SCN1A: variants seen among roughly 807,000 people sequenced by gnomAD.
The protein encoded by SCN1A is sodium voltage-gated channel alpha subunit 1.
In SCN1A, 13 loss-of-function variants were observed where a neutral mutation model predicts 193.7. The observed-to-expected ratio is 0.07, with a 90% CI of 0.04 to 0.11. SCN1A has a LOEUF of 0.11. Among genes scored for constraint, SCN1A ranks in the 10% least tolerant of loss-of-function variants. The pLI is 1.00. For synonymous variants in SCN1A, 781 were observed against 843.6 expected (o/e 0.93, Z 1.29); for missense variants, 1,432 against 2,451.1 (o/e 0.58, Z 8.78).
chr2:166,016,865 A>G (rs1271581473), intron 19 of SCN1A, among the ~76,000 whole-genome samples: 2 of 151,798 alleles, frequency 1.3e-5, no homozygotes, highest in African/African-American at 4.8e-5. Flanking sequence ...TTATCACGAT[A>G]TTGTAAATAG....
chr2:166,052,765 C>G, intron 8 of SCN1A, 87 bp downstream of exon 8: 1 of 1,105,660 alleles, frequency 9.0e-7, no homozygotes, highest in Non-Finnish European at 1.4e-6. Flanking sequence ...TCTTATGATT[C>G]CTGATTTTCT....
chr2:165,989,042 G>T lies in SCN1A; in HGVS notation c.*2203C>A. 2.1e-5 allele frequency: 1 copy of T among 47,394 alleles called. No homozygotes were observed. The highest frequency in any genetic ancestry group is 4.2e-5 in the African/African-American group (1 of 24,016). The allele number at this position is 47,394 out of a possible 1,614,324, so 2.9% of individuals were successfully genotyped here. On this transcript the variant is annotated 3_prime_UTR_variant, in exon 29 of 29. Coordinates refer to ENST00000674923, the MANE Select transcript of SCN1A (RefSeq NM_001165963.4). ...TGGGTATGCCTCTGTGTGTGTGTGT[G>T]TGTGTGTGTGTGTGTGTGTGTGTGT...
At chr2:166,096,969 G>A (rs1012160634) in intron 2 of SCN1A, among the ~76,000 whole-genome samples, 4 of 152,056 alleles carry the variant, frequency 2.6e-5, no homozygotes, top group Non-Finnish European at 2.9e-5. Context: ...CATTAGTGAT[G>A]TAAATCTAAA....
At chr2:166,054,310 A>C (rs1170153641) in intron 7 of SCN1A, among the ~76,000 whole-genome samples, 3 of 151,908 alleles carry the variant, frequency 2.0e-5, no homozygotes, top group African/African-American at 4.8e-5. Context: ...ATTTTCACAG[A>C]TGTATTACAA....
rs1426666349 is a variant in SCN1A at position 166,041,380 on chromosome 2, T to C, written c.2266A>G (p.Lys756Glu). The change falls in exon 16 of 29, where the codon AAA becomes GAA. Residue 756 changes from lysine (K) to glutamate (E), a missense_variant. By Grantham distance (56) the Lys-to-Glu change is moderately conservative. Around this residue, in one of 18 missense-constraint regions of SCN1A, gnomAD observed 316 missense variants for 362.1 expected, o/e 0.87. Coordinates refer to ENST00000674923, the MANE Select transcript of SCN1A (RefSeq NM_001165963.4). ...ACCAGGTTGACAACATGTTTCACTT[T>C]TAACCAATATGGAGAACAGTCCCAG... Reference protein sequence around the residue: ...LIWDCSPYWLKVKHVVNLVVM... With the variant: ...LIWDCSPYWLEVKHVVNLVVM... 6.2e-7 allele frequency: 1 copy of C among 1,613,918 alleles called. No homozygotes were observed. Among genetic ancestry groups the C allele is most frequent in the African/African-American group, 1.3e-5 (1 of 75,010 alleles).
In SCN1A at chr2:165,989,067, TGC is replaced by T. The variant is rs59414673; in HGVS notation, c.*2176_*2177del. The T allele has an allele frequency of 0.24, 5,302 of 21,780 alleles. 106 individuals carry two copies. The highest frequency in any genetic ancestry group is 0.44 in the East Asian group (340 of 772). The allele number at this position is 21,780 out of a possible 1,614,324, so 1.3% of individuals were successfully genotyped here. A position where few individuals can be genotyped will look rare whatever the true frequency, so the allele number is the denominator to read the frequency against. ...GTGTGTGTGTGTGTGTGTGTGTGTG[TGC>T]GCGCGCGCTCCCCTTCTCCCCCAAT... is the stretch of plus-strand genomic sequence containing the variant. On this transcript the variant is annotated 3_prime_UTR_variant, in exon 29 of 29. Transcript: ENST00000674923.
At chr2:166,034,674 A>G (rs1696098368) in intron 19 of SCN1A, among the ~76,000 whole-genome samples, 1 of 152,206 alleles carries the variant, frequency 6.6e-6, no homozygotes. Context: ...TGTCTCCACA[A>G]AATTCATATG....
At chr2:166,106,258 T>C (rs1236712821) in intron 2 of SCN1A, among the ~76,000 whole-genome samples, 1 of 152,110 alleles carries the variant, frequency 6.6e-6, no homozygotes, top group Non-Finnish European at 1.5e-5. Context: ...AAGTTTAATA[T>C]ATGAAGAATT....
chr2:166,124,367 A>G (rs573920890), intron 2 of SCN1A, among the ~76,000 whole-genome samples: 23 of 151,980 alleles, frequency 1.5e-4, no homozygotes, highest in African/African-American at 5.1e-4. Context: ...GGGCCAACAT[A>G]GTGAAACCCC....
At chr2:166,121,109 GA>G (rs1296184374) in intron 2 of SCN1A, among the ~76,000 whole-genome samples, 1 of 103,690 alleles carries the variant, frequency 9.6e-6, no homozygotes, top group African/African-American at 3.7e-5. Context: ...TGAATGTCAG[GA>G]AAAAAAAGAA....
At position 166,013,862 on chromosome 2, in the gene SCN1A, A is replaced by G. The variant is rs760776044; in HGVS notation, c.3587T>C (p.Val1196Ala). ...CCATTGTTTTCCTCTGCCTTCTTCC[A>G]CATTGATTTGACAACACTTGAATCT... is the stretch of plus-strand genomic sequence containing the variant. ...VQRFKCCQIN[V>A]EEGRGKQWWN... Residue 1196 changes from valine to alanine, a missense_variant, in exon 21 of 29, where the codon GTG becomes GCG. By Grantham distance (64) the Val-to-Ala change is moderately conservative. Coordinates refer to ENST00000674923, the MANE Select transcript of SCN1A (RefSeq NM_001165963.4). The G allele has an allele frequency of 1.2e-5, 19 of 1,612,152 alleles. No homozygotes were observed. Among genetic ancestry groups the G allele is most frequent in the Middle Eastern group, 3.3e-4 (2 of 6,072 alleles).
chr2:166,114,801 A>C (rs2106212350), intron 2 of SCN1A, among the ~76,000 whole-genome samples: 1 of 152,320 alleles, frequency 6.6e-6, no homozygotes, highest in Non-Finnish European at 1.5e-5. Flanking sequence ...AAAATGTTTA[A>C]GATGTAATAT....
At chr2:166,067,576 G>A (rs1683975472) in intron 4 of SCN1A, among the ~76,000 whole-genome samples, 1 of 151,826 alleles carries the variant, frequency 6.6e-6, no homozygotes, top group Non-Finnish European at 1.5e-5. Flanking sequence ...ACTAGTCTTA[G>A]GCAAGTTATT....
chr2:166,069,155 A>G (rs1684152667), intron 4 of SCN1A, among the ~76,000 whole-genome samples: 1 of 152,208 alleles, frequency 6.6e-6, no homozygotes, highest in South Asian at 2.1e-4. Flanking sequence ...AAGGGAAACC[A>G]ATCTGGAATC....
intron 2 of SCN1A, among the ~76,000 whole-genome samples, chr2:166,099,903 G>C (rs1323740085): frequency 8.5e-6 from 1 of 117,950 alleles, no homozygotes; most frequent in African/African-American, 3.1e-5. Context: ...CTCATGGGTG[G>C]GAAGAATCAA....
chr2:166,054,458 G>A (rs932928072), intron 7 of SCN1A, among the ~76,000 whole-genome samples, 180 bp downstream of exon 7: 2 of 151,952 alleles, frequency 1.3e-5, no homozygotes, highest in Admixed American at 1.3e-4. Flanking sequence ...CTACTGCAAA[G>A]CCTTCATGCT....
Position 166,002,628 on chromosome 2 carries a change from A to G in SCN1A, c.4128T>C (p.Cys1376=), listed in dbSNP as rs1485075354. ...VNLFAGKFYH[C]INTTTGDRFD... is the part of the protein sequence containing the mutation. ...ACCTGTCACCAGTTGTGGTGTTAAT[A>G]CAGTGGTAGAATTTGCCAGCAAACA... Residue 1376 remains cysteine (C), a synonymous_variant, in exon 24 of 29, where the codon TGT becomes TGC. Transcript: ENST00000674923. 3.1e-6 allele frequency: 5 copies of G among 1,611,896 alleles called. No individual in the cohort carries two copies. The highest frequency in any genetic ancestry group is 4.2e-6 in the Non-Finnish European group (5 of 1,178,776).
At position 166,036,167 on chromosome 2, in the gene SCN1A, A is replaced by T; in HGVS notation, c.3310T>A (p.Ser1104Thr). 1 of 1,614,044 alleles carries T rather than the reference A, an allele frequency of 6.2e-7. No homozygotes were observed. Among genetic ancestry groups the T allele is most frequent in the Non-Finnish European group, 8.5e-7 (1 of 1,179,954 alleles). The change falls in exon 19 of 29, where the codon TCA becomes ACA. Residue 1104 changes from serine (S) to threonine (T), a missense_variant. Physicochemically the swap from Ser to Thr is moderately conservative, Grantham distance 58 (BLOSUM62 1). Coordinates refer to ENST00000674923, the MANE Select transcript of SCN1A (RefSeq NM_001165963.4). ...KYIIDESDYM[S>T]FINNPSLTVT... ...GTAAGACTGGGGTTGTTTATGAATG[A>T]CATGTAATCACTTTCATCAATAATG...
In SCN1A at chr2:165,994,529, C is replaced by T. The variant is rs908988775; in HGVS notation, c.4582-113G>A. On this transcript the variant is annotated intron_variant, in intron 27 of 28. Transcript: ENST00000674923. ...AGTTTCTTGCAAAGTAGTCATTGGC[C>T]CTGATTTTTGTAAGAATGATTTATA... 5 of 937,976 alleles carry T rather than the reference C, an allele frequency of 5.3e-6. No individual in the cohort carries two copies. The African/African-American group carries it at 8.4e-5, about 16-fold the overall frequency. The allele number at this position is 937,976 out of a possible 1,614,324, so 58.1% of individuals were successfully genotyped here.
Sources: gnomAD v4.1 joint callset for allele counts (sites outside exome capture counted in the v4.1 genomes callset) on GRCh38, gnomAD v4.1.1 for gene constraint, gnomAD v4.1.1 regional missense constraint, MANE v1.5 for transcripts, NCBI Gene and HGNC (gene_info 2026-07-23, HGNC 2026-07-21) for gene names.